PCNT: variants seen among roughly 807,000 people sequenced by gnomAD.
The protein encoded by PCNT is pericentrin.
Under a neutral mutation model 380.4 loss-of-function variants are expected in PCNT, and 319 were observed. The ratio of observed to expected loss-of-function variants is 0.84; its 90% CI spans 0.77 to 0.92. The LOEUF (loss-of-function observed/expected upper bound fraction) is 0.92. Among genes scored for constraint, PCNT ranks in the 40% least tolerant of loss-of-function variants. The pLI is 0.00. For synonymous variants in PCNT, 1,845 were observed against 1,735.2 expected (o/e 1.06, Z -1.57); for missense variants, 4,400 against 4,255.3 (o/e 1.03, Z -0.95).
rs780406055 is a variant in PCNT at position 46,431,959 on chromosome 21, C to T, written c.8495C>T (p.Ala2832Val). The T allele has an allele frequency of 1.5e-5, 24 of 1,613,954 alleles. No homozygotes were observed. In the East Asian group the frequency reaches 1.6e-4, roughly 10 times the overall value. ...GCTGAGGCTCAGAAGCACTGTGAGG[C>T]GCTCAGGAGAGAGAAGGAGGTAAGT... is the stretch of plus-strand genomic sequence containing the variant. The part of the protein sequence containing the change: ...LEAEAQKHCE[A>V]LRREKEVSAT... Residue 2832 changes from alanine to valine, a missense_variant, in exon 38 of 47, where the codon GCG (alanine) becomes GTG (valine). By Grantham distance (64) the Ala-to-Val change is moderately conservative. Coordinates refer to ENST00000359568, the MANE Select transcript of PCNT (RefSeq NM_006031.6).
chr21:46,364,020 G>T (rs114314706), intron 14 of PCNT, 86 bp downstream of exon 14: 3 of 1,255,050 alleles, frequency 2.4e-6, no homozygotes, highest in South Asian at 2.4e-5. Context: ...GGGAGGAGGC[G>T]CTGTGGGCTC....
chr21:46,444,447 G>A (rs973466562), intron 45 of PCNT, among the ~76,000 whole-genome samples: 4 of 152,114 alleles, frequency 2.6e-5, no homozygotes, highest in African/African-American at 9.7e-5. Context: ...TAGATACATC[G>A]TCGAAGATGT....
chr21:46,363,959 C>A, intron 14 of PCNT, 25 bp downstream of exon 14: 2 of 1,593,106 alleles, frequency 1.3e-6, no homozygotes, highest in Non-Finnish European at 1.7e-6. Context: ...ACGCCATCTG[C>A]AGTCCCTGTG....
chr21:46,325,146 G>A, intron 1 of PCNT: 3 of 985,664 alleles, frequency 3.0e-6, no homozygotes, highest in Non-Finnish European at 3.6e-6. Context: ...CATGACTCGG[G>A]GGCAGGAGAA....
At chr21:46,416,981 A>ATCATGGGCGCATTTAGATTAT in intron 30 of PCNT, 142 bp downstream of exon 30, 1 of 732,656 alleles carries the variant, frequency 1.4e-6, no homozygotes. Flanking sequence ...CAGGACTGGC[A>ATCATGGGCGCATTTAGATTAT]TCATGGGCGC....
chr21:46,424,970 A>G (rs1421108318), intron 32 of PCNT, among the ~76,000 whole-genome samples: 2 of 152,034 alleles, frequency 1.3e-5, no homozygotes, highest in African/African-American at 2.4e-5. Flanking sequence ...AGGAAAGCCT[A>G]TTTTCAGTCA....
chr21:46,389,509 G>A, intron 19 of PCNT, 78 bp downstream of exon 19: 5 of 1,216,370 alleles, frequency 4.1e-6, no homozygotes, highest in Non-Finnish European at 5.9e-6. Context: ...CCTGGTGGAT[G>A]CCGGTGCCAA....
Position 46,353,715 on chromosome 21 carries a change from GGTGTGTGT to G in PCNT, c.1680-242_1680-235del, listed in dbSNP as rs72175446. Reference sequence around the variant, plus strand: ...TTGGTGGCAGGGGCACTCTCCTCCAGGTGTGTGTGTGTGTGTGTGTGTGTGTGTGTGTG... The same window carrying G: ...TTGGTGGCAGGGGCACTCTCCTCCAGGTGTGTGTGTGTGTGTGTGTGTGTG... On this transcript the variant is annotated intron_variant, in intron 10 of 46. Coordinates refer to ENST00000359568, the MANE Select transcript of PCNT (RefSeq NM_006031.6). Among the ~76,000 whole-genome samples the G allele has an allele frequency of 8.4e-3, 1,085 of 129,032 alleles. 11 individuals carry two copies. The highest frequency in any genetic ancestry group is 0.027 in the African/African-American group (964 of 35,140). The allele number at this position is 129,032 out of a possible 152,430, so 84.7% of individuals were successfully genotyped here. A position where few individuals can be genotyped will look rare whatever the true frequency, so the allele number is the denominator to read the frequency against.
intron 6 of PCNT, chr21:46,348,417 C>T: frequency 5.9e-6 from 1 of 168,082 alleles, no homozygotes; most frequent in Non-Finnish European, 1.3e-5. Flanking sequence ...GTGGGTTGTC[C>T]CTGTGCAGAG....
chr21:46,423,707 GAGAGGAGGAGGAAGAGAAGGGGA>G (rs2087352316), intron 32 of PCNT, among the ~76,000 whole-genome samples: 1 of 92,486 alleles, frequency 1.1e-5, no homozygotes, highest in Non-Finnish European at 2.2e-5. Flanking sequence ...GGAGGAGGGG[GAGAGGAGGAGGAAGAGAAGGGGA>G]GGGGGAGGGG....
intron 32 of PCNT, among the ~76,000 whole-genome samples, chr21:46,422,580 T>C (rs557803567): frequency 6.6e-6 from 1 of 152,370 alleles, no homozygotes; most frequent in East Asian, 1.9e-4. Flanking sequence ...GAACTTTTCA[T>C]AGGTTTTCTT....
chr21:46,334,307 C>T (rs1428934299), intron 2 of PCNT, 90 bp from the exon 3 acceptor site: 1 of 1,579,712 alleles, frequency 6.3e-7, no homozygotes, highest in African/African-American at 1.3e-5. Context: ...GAAGTCAGCA[C>T]AGGCCTGCAG....
chr21:46,361,215 T>C (rs762956122), intron 13 of PCNT, among the ~76,000 whole-genome samples: 105 of 152,180 alleles, frequency 6.9e-4, no homozygotes, highest in Middle Eastern at 3.4e-3. Context: ...GGAAACCCTG[T>C]CTTTACTAAA....
intron 20 of PCNT, 149 bp downstream of exon 20, chr21:46,390,981 AT>A: frequency 8.6e-7 from 1 of 1,168,540 alleles, no homozygotes; most frequent in East Asian, 2.6e-5. Context: ...TTTGGGAGGA[AT>A]GGGGTGGTCG....
At chr21:46,442,455 C>G (rs769104422) in intron 43 of PCNT, 42 bp from the exon 44 acceptor site, 7 of 1,268,344 alleles carry the variant, frequency 5.5e-6, no homozygotes, top group Non-Finnish European at 6.9e-6. Context: ...CCCTTCCTGT[C>G]TTGCCGTACT....
rs755987047 is a variant in PCNT, at chr21:46,411,261, C to T, written c.5188C>T (p.Arg1730Ter). The change falls in exon 28 of 47, where the codon CGA becomes TGA. Residue 1730 changes from arginine (R) to a stop codon, truncating the protein, a stop_gained. Coordinates refer to ENST00000359568, the MANE Select transcript of PCNT (RefSeq NM_006031.6). LOFTEE classifies it high-confidence loss of function. ...TGAAAATCTGCAAGAGAATCAGAAA[C>T]GATTACAAAAGGAGAAAGCAGAGGA... ...TIENLQENQK[R>*]LQKEKAEEIE... is the part of the protein sequence containing the mutation. 5.6e-6 allele frequency: 9 copies of T among 1,614,126 alleles called. No individual in the cohort carries two copies. Among genetic ancestry groups the T allele is most frequent in the African/African-American group, 1.3e-5 (1 of 75,060 alleles).
chr21:46,437,670 C>G (rs2053498654), intron 40 of PCNT, among the ~76,000 whole-genome samples: 1 of 152,202 alleles, frequency 6.6e-6, no homozygotes, highest in African/African-American at 2.4e-5. Context: ...GAAATCATGA[C>G]TTTGATCGTG....
At chr21:46,346,656 A>G in intron 4 of PCNT, 87 bp from the exon 5 acceptor site, 1 of 1,458,404 alleles carries the variant, frequency 6.9e-7, no homozygotes, top group Non-Finnish European at 9.3e-7. Flanking sequence ...TGTCTTCCTT[A>G]CTCATTCTCA....
chr21:46,353,145 G>A lies in PCNT; in HGVS notation c.1498G>A (p.Asp500Asn). 6.2e-7 allele frequency: 1 copy of A among 1,614,128 alleles called. No individual in the cohort carries two copies. Among genetic ancestry groups the A allele is most frequent in the Non-Finnish European group, 8.5e-7 (1 of 1,180,054 alleles). ...CCTGGCGCGCACCTCTCGTGTGGAA[G>A]ATTTAGAACAGCTGAAGCAGCGAGA... ...QLLARTSRVE[D>N]LEQLKQREKT... Residue 500 changes from aspartate (D) to asparagine (N), a missense_variant, in exon 10 of 47, where the codon GAT becomes AAT. Physicochemically the swap from Asp to Asn is conservative, Grantham distance 23. Coordinates refer to ENST00000359568, the MANE Select transcript of PCNT (RefSeq NM_006031.6).
Sources: gnomAD v4.1 joint callset for allele counts (sites outside exome capture counted in the v4.1 genomes callset) on GRCh38, gnomAD v4.1.1 for gene constraint, MANE v1.5 for transcripts, NCBI Gene and HGNC (gene_info 2026-07-23, HGNC 2026-07-21) for gene names.